The following PGGT1B variants were observed in gnomAD, a reference collection of about 807,000 sequenced individuals.
PGGT1B encodes the protein protein geranylgeranyltransferase type I subunit beta, also known as geranylgeranyl transferase type-1 subunit beta.
In PGGT1B, 30 loss-of-function variants were observed where a neutral mutation model predicts 46.1. That is an observed-to-expected ratio of 0.65 (90% CI 0.49 to 0.88). The LOEUF is 0.88. Ranked by LOEUF, PGGT1B falls within the 40% of genes least tolerant of loss-of-function variation. The pLI, the probability that PGGT1B is intolerant of heterozygous loss-of-function variation, is 0.00. For synonymous variants in PGGT1B, 170 were observed against 160.0 expected (o/e 1.06, Z -0.47); for missense variants, 376 against 455.9 (o/e 0.82, Z 1.60).
intron 6 of PGGT1B, among the ~76,000 whole-genome samples, chr5:115,223,005 A>T (rs1376719371): frequency 6.6e-6 from 1 of 152,136 alleles, no homozygotes; most frequent in Non-Finnish European, 1.5e-5. Flanking sequence ...CATTAGGAGA[A>T]ATACCTAATG....
In PGGT1B at chr5:115,212,476, G is replaced by A; in HGVS notation, c.1060C>T (p.Leu354Phe). Reference protein sequence around the residue: ...LNVSTRTSERLLDLHQSWKTK... With the variant: ...LNVSTRTSERFLDLHQSWKTK... ...TTCCAGCTTTGATGGAGATCTAGAA[G>A]GCGTTCAGAAGTCCGTGTGCTTACA... Residue 354 changes from leucine to phenylalanine, a missense_variant, in exon 9 of 9, where the codon CTT becomes TTT. Transcript: ENST00000419445. The A allele has an allele frequency of 6.2e-7, 1 of 1,608,768 alleles. No individual in the cohort carries two copies. Among genetic ancestry groups the A allele is most frequent in the South Asian group, 1.1e-5 (1 of 91,018 alleles).
At chr5:115,219,336 C>G (rs1756518936) in intron 7 of PGGT1B, among the ~76,000 whole-genome samples, 3 of 151,784 alleles carry the variant, frequency 2.0e-5, no homozygotes, top group African/African-American at 7.3e-5. Flanking sequence ...GGTGCCAAAA[C>G]CATTTCATGG....
rs887462970 is a variant in PGGT1B, at chr5:115,212,441, G to A, written c.1095C>T (p.Asp365=). 1.1e-5 allele frequency: 18 copies of A among 1,588,904 alleles called. No homozygotes were observed. The highest frequency in any genetic ancestry group is 1.5e-5 in the Non-Finnish European group (18 of 1,163,384). The change falls in exon 9 of 9, where the codon GAC becomes GAT. Residue 365 remains aspartate (D), a synonymous_variant. Transcript: ENST00000419445. ...GTACATTCTCTGAGCATTGTTTAGA[G>A]TCCTTGGTTTTCCAGCTTTGATGGA... ...LDLHQSWKTK[D]SKQCSENVHI...
chr5:115,213,664 G>A (rs771215238), intron 8 of PGGT1B, among the ~76,000 whole-genome samples: 5 of 151,830 alleles, frequency 3.3e-5, no homozygotes, highest in South Asian at 2.1e-4. Flanking sequence ...CCGGCTACTC[G>A]GGAGGCTGAG....
chr5:115,252,455 A>G (rs73257417), intron 2 of PGGT1B, among the ~76,000 whole-genome samples: 2,032 of 152,096 alleles, frequency 0.013, 47 homozygotes, highest in African/African-American at 0.046. Flanking sequence ...AAAAAAAACA[A>G]GCATGATTTT....
At position 115,205,624 on chromosome 5, in the gene PGGT1B, G is replaced by A. The variant is rs957570610; in HGVS notation, c.*6778C>T. The A allele has an allele frequency of 9.2e-5, 14 of 152,092 alleles. No homozygotes were observed. Among genetic ancestry groups the A allele is most frequent in the African/African-American group, 1.9e-4 (8 of 41,536 alleles). 9.4% of individuals were successfully genotyped at this position (152,092 alleles called of 1,614,324 possible). ...TATTTGGAATTCAGATTTATAATTC[G>A]TAAATGAGTTTGAGGAACGAAGCCA... On this transcript the variant is annotated 3_prime_UTR_variant, in exon 9 of 9. Coordinates refer to ENST00000419445, the MANE Select transcript of PGGT1B (RefSeq NM_005023.4).
chr5:115,230,305 G>T (rs1756936861), intron 6 of PGGT1B, among the ~76,000 whole-genome samples: 1 of 152,090 alleles, frequency 6.6e-6, no homozygotes, highest in Non-Finnish European at 1.5e-5. Flanking sequence ...GCTGTGATGA[G>T]GAAGAAAGTG....
chr5:115,259,710 A>T (rs1030869718), intron 1 of PGGT1B, among the ~76,000 whole-genome samples: 7 of 149,892 alleles, frequency 4.7e-5, no homozygotes, highest in African/African-American at 1.5e-4. Context: ...AAAAAAAAAA[A>T]GATAAGGGAG....
At chr5:115,254,587 T>C (rs1435062289) in intron 1 of PGGT1B, among the ~76,000 whole-genome samples, 1 of 141,188 alleles carries the variant, frequency 7.1e-6, no homozygotes. Flanking sequence ...GATGAGAAAA[T>C]AGTGATTTCT....
intron 3 of PGGT1B, among the ~76,000 whole-genome samples, chr5:115,238,384 G>C (rs1757253070): frequency 7.7e-6 from 1 of 129,196 alleles, no homozygotes. Flanking sequence ...GCTCACTGCA[G>C]TCTCCAACTC....
chr5:115,247,927 A>G (rs1237283880), intron 2 of PGGT1B, among the ~76,000 whole-genome samples: 1 of 152,332 alleles, frequency 6.6e-6, no homozygotes, highest in Non-Finnish European at 1.5e-5. Context: ...TTGTAAAACC[A>G]TTTTTGTCAA....
chr5:115,248,465 T>C (rs1437915512), intron 2 of PGGT1B, among the ~76,000 whole-genome samples: 1 of 152,194 alleles, frequency 6.6e-6, no homozygotes, highest in Non-Finnish European at 1.5e-5. Context: ...TAAAATTCTC[T>C]GGTTGTGCCC....
In PGGT1B at chr5:115,241,606, C is replaced by G. The variant is rs960201109; in HGVS notation, c.260G>C (p.Arg87Thr). The G allele has an allele frequency of 6.2e-7, 1 of 1,604,352 alleles. No homozygotes were observed. The highest frequency in any genetic ancestry group is 8.5e-7 in the Non-Finnish European group (1 of 1,174,496). Residue 87 changes from arginine (R) to threonine (T), a missense_variant and splice_region_variant, in exon 3 of 9, where the codon AGA becomes ACA. Physicochemically the swap from Arg to Thr is moderately conservative, Grantham distance 71. Transcript: ENST00000419445. ...GAAACCACAGCGATTTAGATTTGAT[C>G]CTAGAAAATAAAAGCATGTGCTTAT... is the stretch of plus-strand genomic sequence containing the variant. ...YSLQVLPTED[R>T]SNLNRCGFRG...
intron 8 of PGGT1B, 57 bp from the exon 9 acceptor site, chr5:115,212,640 G>C (rs1756270822): frequency 8.3e-7 from 1 of 1,201,148 alleles, no homozygotes; most frequent in African/African-American, 1.5e-5. Context: ...ACATTCTACA[G>C]AATATTTTAG....
At chr5:115,260,660 G>A (rs1415176450) in intron 1 of PGGT1B, among the ~76,000 whole-genome samples, 1 of 151,952 alleles carries the variant, frequency 6.6e-6, no homozygotes, top group South Asian at 2.1e-4. Flanking sequence ...TCTTAAATGC[G>A]GTTAACTAGG....
At chr5:115,256,020 G>A (rs953034127) in intron 1 of PGGT1B, among the ~76,000 whole-genome samples, 4 of 152,130 alleles carry the variant, frequency 2.6e-5, no homozygotes, top group Non-Finnish European at 5.9e-5. Flanking sequence ...GGTGGGGTCT[G>A]GGCCCTTTCG....
intron 2 of PGGT1B, among the ~76,000 whole-genome samples, chr5:115,245,594 G>C (rs1376937612): frequency 1.3e-5 from 2 of 152,304 alleles, no homozygotes; most frequent in East Asian, 3.9e-4. Context: ...TTAGCAAAGT[G>C]AAACAAGGCT....
intron 2 of PGGT1B, among the ~76,000 whole-genome samples, chr5:115,244,067 T>C (rs147250215): frequency 6.6e-6 from 1 of 152,196 alleles, no homozygotes; most frequent in African/African-American, 2.4e-5. Flanking sequence ...AGTTGATTAG[T>C]ATAACTTTAA....
intron 6 of PGGT1B, among the ~76,000 whole-genome samples, chr5:115,227,373 T>G (rs957118028): frequency 3.9e-5 from 6 of 152,186 alleles, no homozygotes; most frequent in African/African-American, 1.4e-4. Context: ...GGAAGTCAAG[T>G]AACACTCATT....
Sources: gnomAD v4.1 joint callset for allele counts (sites outside exome capture counted in the v4.1 genomes callset) on GRCh38, gnomAD v4.1.1 for gene constraint, MANE v1.5 for transcripts, NCBI Gene and HGNC (gene_info 2026-07-23, HGNC 2026-07-21) for gene names.